The following SYNPO2 variants were observed in gnomAD, a reference collection of about 807,000 sequenced individuals.
SYNPO2 encodes the protein synaptopodin 2, also known as synaptopodin-2.
A neutral mutation model predicts 85.0 loss-of-function variants in SYNPO2; 56 were observed. The ratio of observed to expected loss-of-function variants is 0.66; its 90% confidence interval spans 0.53 to 0.82. The LOEUF (loss-of-function observed/expected upper bound fraction) is 0.82, where lower values mean the gene tolerates loss of function less well. Among genes scored for constraint, SYNPO2 ranks in the 40% least tolerant of loss-of-function variants. The pLI is 0.00. For synonymous variants in SYNPO2, 602 were observed against 591.1 expected (o/e 1.02, Z -0.27); for missense variants, 1,575 against 1,534.2 (o/e 1.03, Z -0.44).
At chr4:118,971,502 T>C (rs534272318) in intron 1 of SYNPO2, among the ~76,000 whole-genome samples, 1 of 152,362 alleles carries the variant, frequency 6.6e-6, no homozygotes, top group African/African-American at 2.4e-5. Context: ...GAGGCTAGAA[T>C]GGCGCTTCCA....
chr4:118,860,028 C>A (rs564291943), intron 1 of SYNPO2, among the ~76,000 whole-genome samples: 12 of 152,254 alleles, frequency 7.9e-5, no homozygotes, highest in African/African-American at 2.9e-4. Context: ...ATTGCGTTCC[C>A]ACCAACAGTG....
Position 119,023,601 on chromosome 4 carries a change from A to G in SYNPO2, c.257+20A>G. 6.2e-7 allele frequency: 1 copy of G among 1,603,792 alleles called. No individual in the cohort carries two copies. The highest frequency in any genetic ancestry group is 8.5e-7 in the Non-Finnish European group (1 of 1,174,384). On this transcript the variant is annotated intron_variant, in intron 2 of 4. Coordinates refer to ENST00000307142, the MANE Select transcript of SYNPO2 (RefSeq NM_133477.3). ...CAAAAGGTACAACAGATTTGCTGGA[A>G]TATGTATTTTCTCTTGAAGCTACAT... is the stretch of plus-strand genomic sequence containing the variant.
intron 1 of SYNPO2, among the ~76,000 whole-genome samples, chr4:119,008,273 G>T (rs182310622): frequency 2.0e-5 from 3 of 152,274 alleles, no homozygotes; most frequent in Non-Finnish European, 4.4e-5. Context: ...TAAGATGGGA[G>T]TCCAATTGCC....
chr4:118,886,956 C>G (rs1732208621), upstream of SYNPO2, among the ~76,000 whole-genome samples: 1 of 152,070 alleles, frequency 6.6e-6, no homozygotes, highest in Non-Finnish European at 1.5e-5. Flanking sequence ...ACCACAGGTC[C>G]TTGAATAATG....
At chr4:118,990,787 T>G (rs1413530065) in intron 1 of SYNPO2, among the ~76,000 whole-genome samples, 2 of 152,144 alleles carry the variant, frequency 1.3e-5, no homozygotes, top group Non-Finnish European at 2.9e-5. Flanking sequence ...TTTTGTATTC[T>G]TAGTAGAGAT....
chr4:119,030,879 C>G lies in SYNPO2; in HGVS notation c.2104C>G (p.Pro702Ala). Residue 702 changes from proline (P) to alanine (A), a missense_variant, in exon 4 of 5, where the codon CCC becomes GCC. Pro to Ala is a conservative substitution (Grantham distance 27). Coordinates refer to ENST00000307142, the MANE Select transcript of SYNPO2 (RefSeq NM_133477.3). ...AAAACCCATGTTTACTTTTAAAGAG[C>G]CCAAAGTAAGCCCAAATCCTGAACT... ...TTKPMFTFKE[P>A]KVSPNPELLS... 1 of 1,614,128 alleles carries G rather than the reference C, an allele frequency of 6.2e-7. No homozygotes were observed. Among genetic ancestry groups the G allele is most frequent in the Non-Finnish European group, 8.5e-7 (1 of 1,180,022 alleles).
At chr4:118,910,403 C>G (rs1213312822) in intron 1 of SYNPO2, among the ~76,000 whole-genome samples, 1 of 152,194 alleles carries the variant, frequency 6.6e-6, no homozygotes. Flanking sequence ...GAAGGAGGTG[C>G]GTTGCACCGG....
At chr4:118,892,233 G>C (rs949901751) in intron 1 of SYNPO2, among the ~76,000 whole-genome samples, 2 of 152,032 alleles carry the variant, frequency 1.3e-5, no homozygotes, top group African/African-American at 4.8e-5. Context: ...AAGCTCAATG[G>C]CACGAAAATC....
At chr4:119,021,234 T>A (rs1170439381) in intron 1 of SYNPO2, among the ~76,000 whole-genome samples, 4 of 152,218 alleles carry the variant, frequency 2.6e-5, no homozygotes, top group African/African-American at 7.2e-5. Flanking sequence ...AATATTTTGC[T>A]TTCAAGAGTA....
chr4:119,035,711 A>C (rs1440301927), intron 4 of SYNPO2: 2 of 984,360 alleles, frequency 2.0e-6, no homozygotes, highest in Non-Finnish European at 2.4e-6. Flanking sequence ...TTATTTAGCT[A>C]TTCTAGAAAG....
At chr4:118,900,529 G>A (rs924490324) in intron 1 of SYNPO2, among the ~76,000 whole-genome samples, 2 of 151,874 alleles carry the variant, frequency 1.3e-5, no homozygotes, top group Non-Finnish European at 2.9e-5. Flanking sequence ...TTAAATGTGA[G>A]TTTCTATAAA....
At chr4:118,922,659 C>G (rs1733578789) in intron 1 of SYNPO2, among the ~76,000 whole-genome samples, 1 of 151,390 alleles carries the variant, frequency 6.6e-6, no homozygotes, top group Non-Finnish European at 1.5e-5. Context: ...TTCATGTAAC[C>G]AAAGAGGGTT....
chr4:119,056,747 G>T (rs911547663), intron 4 of SYNPO2, among the ~76,000 whole-genome samples: 1 of 152,102 alleles, frequency 6.6e-6, no homozygotes, highest in Non-Finnish European at 1.5e-5. Flanking sequence ...CTCCACTCAG[G>T]AAATAAAAAT....
intron 1 of SYNPO2, among the ~76,000 whole-genome samples, chr4:118,916,504 G>T (rs555538970): frequency 1.3e-4 from 20 of 151,748 alleles, no homozygotes; most frequent in Non-Finnish European, 2.1e-4. Flanking sequence ...ATGGTTTCAG[G>T]TTTTGTTAGA....
chr4:118,872,038 GA>G (rs758770029), intron 1 of SYNPO2, among the ~76,000 whole-genome samples: 1 of 152,184 alleles, frequency 6.6e-6, no homozygotes, highest in Non-Finnish European at 1.5e-5. Context: ...AGTTAAAAGT[GA>G]TTCCCAATTT....
intron 4 of SYNPO2, among the ~76,000 whole-genome samples, chr4:119,039,536 T>C (rs1375583690): frequency 6.6e-6 from 1 of 152,208 alleles, no homozygotes; most frequent in Non-Finnish European, 1.5e-5. Flanking sequence ...TTTATCTCCA[T>C]CAGCCTATTT....
rs1731942818 is a variant in SYNPO2 at position 118,877,228 on chromosome 4, A to C, written c.12+26288A>C. 2.6e-5 allele frequency among the ~76,000 whole-genome samples: 4 copies of C among 152,184 alleles called. No individual in the cohort carries two copies. In the South Asian group the frequency reaches 8.3e-4, roughly 32 times the overall value. On this transcript the variant is annotated intron_variant, in intron 1 of 4. Coordinates refer to the SYNPO2 transcript ENST00000610556. ...ATAAACAAAAATCAACTCAAGATGG[A>C]TTAAATATCAAACCTGAAACTATAA...
At chr4:119,032,912 T>C in intron 4 of SYNPO2, 1 of 954,958 alleles carries the variant, frequency 1.0e-6, no homozygotes, top group Non-Finnish European at 1.2e-6. Context: ...GAAGGATAAT[T>C]ATCTTTAAAG....
chr4:119,040,017 C>A (rs575005879), intron 4 of SYNPO2, among the ~76,000 whole-genome samples: 1 of 152,140 alleles, frequency 6.6e-6, no homozygotes, highest in African/African-American at 2.4e-5. Flanking sequence ...AGGATTCAGT[C>A]GCCCTGTGCT....
Sources: gnomAD v4.1 joint callset for allele counts (sites outside exome capture counted in the v4.1 genomes callset) on GRCh38, gnomAD v4.1.1 for gene constraint, MANE v1.5 for transcripts, NCBI Gene and HGNC (gene_info 2026-07-23, HGNC 2026-07-21) for gene names.